The following TNPO1 variants were observed in gnomAD, a reference collection of about 807,000 sequenced individuals.
TNPO1 encodes the protein transportin-1.
TNPO1 carries 8 observed loss-of-function variants against 119.5 expected under a neutral mutation model. The observed-to-expected ratio is 0.07, with a 90% CI of 0.04 to 0.12. TNPO1 has a LOEUF of 0.12. TNPO1 is among the 10% of genes least tolerant of loss of function. The pLI is 1.00. For missense variants in TNPO1, 576 were observed against 1,089.8 expected (o/e 0.53, Z 6.64); for synonymous variants, 362 against 363.0 (o/e 1.00, Z 0.03).
At chr5:72,877,580 A>G (rs1374246058) in intron 9 of TNPO1, among the ~76,000 whole-genome samples, 1 of 152,152 alleles carries the variant, frequency 6.6e-6, no homozygotes, top group Non-Finnish European at 1.5e-5. Context: ...AATTTACAGC[A>G]CAGTATTTTT....
chr5:72,850,908 T>G (rs1745496624), intron 2 of TNPO1, among the ~76,000 whole-genome samples: 1 of 152,228 alleles, frequency 6.6e-6, no homozygotes, highest in Admixed American at 6.5e-5. Flanking sequence ...ATTTTATGCT[T>G]AAATACCTTT....
intron 1 of TNPO1, among the ~76,000 whole-genome samples, chr5:72,847,944 C>G (rs1745208482): frequency 6.6e-6 from 1 of 152,216 alleles, no homozygotes; most frequent in South Asian, 2.1e-4. Flanking sequence ...ATACCCAAAA[C>G]AGATCTCTTC....
At chr5:72,903,642 A>G (rs1749941903) in intron 22 of TNPO1, 67 bp from the exon 23 acceptor site, 4 of 1,018,896 alleles carry the variant, frequency 3.9e-6, no homozygotes, top group Middle Eastern at 3.0e-4. Flanking sequence ...TCTGAGGTTT[A>G]CATATATCTT....
chr5:72,827,205 G>A (rs1411966147), intron 1 of TNPO1, among the ~76,000 whole-genome samples: 2 of 152,108 alleles, frequency 1.3e-5, no homozygotes, highest in Non-Finnish European at 2.9e-5. Flanking sequence ...GAAAACCAGT[G>A]TGATGAACAT....
intron 1 of TNPO1, among the ~76,000 whole-genome samples, chr5:72,827,354 G>T (rs759747724): frequency 1.3e-5 from 2 of 152,138 alleles, no homozygotes; most frequent in Non-Finnish European, 2.9e-5. Flanking sequence ...TTGATGGGGG[G>T]AATACATGAT....
intron 9 of TNPO1, chr5:72,879,128 T>A (rs1456247644): frequency 4.9e-6 from 1 of 204,614 alleles, no homozygotes; most frequent in Non-Finnish European, 1.0e-5. Flanking sequence ...TTCCTTTGGT[T>A]CTGGAGACCC....
At chr5:72,848,604 A>G (rs1401341183) in intron 2 of TNPO1, 106 bp downstream of exon 2, 3 of 457,716 alleles carry the variant, frequency 6.6e-6, no homozygotes, top group Non-Finnish European at 1.0e-5. Context: ...CCCCTCCCCC[A>G]TCCTCCGAGA....
intron 9 of TNPO1, chr5:72,879,275 A>G (rs1161667911): frequency 6.2e-6 from 1 of 161,520 alleles, no homozygotes; most frequent in Non-Finnish European, 1.3e-5. Flanking sequence ...GATTTTATTA[A>G]TGAAAACCTA....
chr5:72,911,745 T>C lies in TNPO1; in HGVS notation c.*3072T>C, dbSNP rs1750577993. The C allele has an allele frequency of 6.6e-6, 1 of 152,556 alleles. No homozygotes were observed. Among genetic ancestry groups the C allele is most frequent in the Admixed American group, 6.5e-5 (1 of 15,280 alleles). The allele number at this position is 152,556 out of a possible 1,614,324, so 9.5% of individuals were successfully genotyped here. On this transcript the variant is annotated 3_prime_UTR_variant, in exon 25 of 25. Coordinates refer to ENST00000337273, the MANE Select transcript of TNPO1 (RefSeq NM_002270.4). ...CTAAAATGCTGTTAGTGTGCTCAAC[T>C]ACAGAAATAGCCGCTGCTAAGTGAT...
At chr5:72,817,710 C>T (rs1166767447) in intron 1 of TNPO1, among the ~76,000 whole-genome samples, 1 of 151,580 alleles carries the variant, frequency 6.6e-6, no homozygotes, top group Non-Finnish European at 1.5e-5. Flanking sequence ...CTTTTTTTAC[C>T]CTAAAGAAAA....
At chr5:72,849,891 C>G (rs955489208) in intron 2 of TNPO1, among the ~76,000 whole-genome samples, 2 of 152,050 alleles carry the variant, frequency 1.3e-5, no homozygotes, top group Non-Finnish European at 2.9e-5. Flanking sequence ...TTAGCTAAGC[C>G]CAATCCTGCA....
In TNPO1 at chr5:72,909,774, G is replaced by C. The variant is rs1750436119; in HGVS notation, c.*1101G>C. Reference sequence around the variant, plus strand: ...GTACTGTAGTTTACAGGTAGGCCTTGAAATATCTTTTTTAGGATCTGTTAG... The same window carrying C: ...GTACTGTAGTTTACAGGTAGGCCTTCAAATATCTTTTTTAGGATCTGTTAG... On this transcript the variant is annotated 3_prime_UTR_variant, in exon 25 of 25. Coordinates refer to ENST00000337273, the MANE Select transcript of TNPO1 (RefSeq NM_002270.4). 1 of 152,596 alleles carries C rather than the reference G, an allele frequency of 6.6e-6. No individual in the cohort carries two copies. The highest frequency in any genetic ancestry group is 1.5e-5 in the Non-Finnish European group (1 of 68,024). 9.5% of individuals were successfully genotyped at this position (152,596 alleles called of 1,614,324 possible). A position where few individuals can be genotyped will look rare whatever the true frequency, so the allele number is the denominator to read the frequency against.
chr5:72,884,418 G>A (rs938255458), intron 11 of TNPO1, among the ~76,000 whole-genome samples: 3 of 152,082 alleles, frequency 2.0e-5, no homozygotes, highest in Non-Finnish European at 4.4e-5. Flanking sequence ...TTTCTAACAT[G>A]AGTGTTTTCT....
In TNPO1 at chr5:72,874,187, T is replaced by C. The variant is rs1747605770; in HGVS notation, c.679-1428T>C. Among the ~76,000 whole-genome samples the C allele has an allele frequency of 2.0e-5, 3 of 152,294 alleles. No homozygotes were observed. The South Asian group carries it at 6.2e-4, about 32-fold the overall frequency. On this transcript the variant is annotated intron_variant, in intron 7 of 24. Transcript: ENST00000337273. ...TAGTCCTACAGGATTTAGCCAATTC[T>C]CTACCCTACAAAAACAGTAAACCTC...
At chr5:72,850,712 T>C (rs1447826682) in intron 2 of TNPO1, among the ~76,000 whole-genome samples, 4 of 152,244 alleles carry the variant, frequency 2.6e-5, no homozygotes, top group African/African-American at 7.2e-5. Context: ...AATAATCTCA[T>C]AATGCTGACT....
At chr5:72,816,948 G>C in intron 1 of TNPO1, 196 bp downstream of exon 1, 7 of 582,212 alleles carry the variant, frequency 1.2e-5, no homozygotes, top group Non-Finnish European at 2.0e-5. Context: ...CGCCCTGCGG[G>C]ACCCGGGTAG....
At chr5:72,878,961 G>A in intron 9 of TNPO1, 3 of 493,682 alleles carry the variant, frequency 6.1e-6, no homozygotes, top group South Asian at 4.6e-5. Flanking sequence ...CCATGCCACT[G>A]TTTCCATGGG....
chr5:72,882,363 CATTG>C, intron 9 of TNPO1, 100 bp from the exon 10 acceptor site: 1 of 765,764 alleles, frequency 1.3e-6, no homozygotes, highest in Non-Finnish European at 2.1e-6. Context: ...ACAATATTAC[CATTG>C]ATTATCTCAT....
In TNPO1 at chr5:72,912,062, C is replaced by T. The variant is rs1332808826; in HGVS notation, c.*3389C>T. 6.6e-6 allele frequency: 1 copy of T among 151,822 alleles called. No homozygotes were observed. Among genetic ancestry groups the T allele is most frequent in the Admixed American group, 6.6e-5 (1 of 15,264 alleles). 9.4% of individuals were successfully genotyped at this position (151,822 alleles called of 1,614,324 possible). A position where few individuals can be genotyped will look rare whatever the true frequency, so the allele number is the denominator to read the frequency against. ...TATTGTCTAATCTCTTCAATGACTT[C>T]ATACTGTGTAAAAAAAAATCACTTT... is the stretch of plus-strand genomic sequence containing the variant. On this transcript the variant is annotated 3_prime_UTR_variant, in exon 25 of 25. Transcript: ENST00000337273.
Sources: allele counts gnomAD v4.1 joint callset (sites outside exome capture counted in the v4.1 genomes callset), GRCh38; gene constraint gnomAD v4.1.1; transcripts MANE v1.5; gene names NCBI Gene and HGNC (gene_info 2026-07-23, HGNC 2026-07-21).